The following IGF2BP1 variants were observed in gnomAD, a reference collection of about 807,000 sequenced individuals.
The protein encoded by IGF2BP1 is insulin like growth factor 2 mRNA binding protein 1.
IGF2BP1 carries 11 observed loss-of-function variants against 74.9 expected under a neutral mutation model. That is an observed-to-expected ratio of 0.15 (90% CI 0.09 to 0.24). The LOEUF is 0.24. IGF2BP1 is among the 10% of genes least tolerant of loss of function. The probability of loss-of-function intolerance (pLI) is 1.00; values close to 1 mark genes in which losing one functional copy is unlikely to be tolerated. For synonymous variants in IGF2BP1, 287 were observed against 281.8 expected, an observed-to-expected ratio of 1.02 and a Z score of -0.18; for missense variants, 440 against 757.4, an observed-to-expected ratio of 0.58 and a Z score of 4.92.
Position 49,053,845 on chromosome 17 carries a change from A to T in IGF2BP1, c.*4401A>T, listed in dbSNP as rs988349392. Reference sequence around the variant, plus strand: ...CTCCTTTCTTTCCCCTGAAGTGTTTATGGGGAGATCCTAGTGGCTTTGCCA... The same window carrying T: ...CTCCTTTCTTTCCCCTGAAGTGTTTTTGGGGAGATCCTAGTGGCTTTGCCA... On this transcript the variant is annotated 3_prime_UTR_variant, in exon 15 of 15. Transcript: ENST00000290341. The T allele has an allele frequency of 1.3e-5, 2 of 152,548 alleles. No homozygotes were observed. Among genetic ancestry groups the T allele is most frequent in the African/African-American group, 4.8e-5 (2 of 41,428 alleles). The allele number at this position is 152,548 out of a possible 1,614,324, so 9.4% of individuals were successfully genotyped here. A position where few individuals can be genotyped will look rare whatever the true frequency, so the allele number is the denominator to read the frequency against.
At position 49,026,611 on chromosome 17, in the gene IGF2BP1, C is replaced by G. The variant is rs2041857062; in HGVS notation, c.337+94C>G. 1.1e-5 allele frequency: 11 copies of G among 1,029,148 alleles called. No individual in the cohort carries two copies. The Admixed American group carries it at 1.9e-4, about 18-fold the overall frequency. The allele number at this position is 1,029,148 out of a possible 1,614,324, so 63.8% of individuals were successfully genotyped here. ...CTTCACTTTGTTTCTTTCTTTTTCT[C>G]CCTTCCTTCCTTCCTTCCTTCCTGC... On this transcript the variant is annotated intron_variant, in intron 4 of 14. Coordinates refer to ENST00000290341, the MANE Select transcript of IGF2BP1 (RefSeq NM_006546.4).
At position 49,040,032 on chromosome 17, in the gene IGF2BP1, C is replaced by T. The variant is rs2042033127; in HGVS notation, c.759C>T (p.Cys253=). ...AISVHSTPEG[C]SSACKMILEI... ...GTGTGCACTCCACCCCTGAGGGCTG[C>T]TCCTCCGCTTGTAAGATGATCTTGG... The change falls in exon 7 of 15, where the codon TGC becomes TGT. Residue 253 remains cysteine, a synonymous_variant. Coordinates refer to ENST00000290341, the MANE Select transcript of IGF2BP1 (RefSeq NM_006546.4). The T allele has an allele frequency of 1.2e-6, 2 of 1,613,848 alleles. No individual in the cohort carries two copies. The highest frequency in any genetic ancestry group is 3.3e-5 in the Admixed American group (2 of 60,000).
chr17:49,013,185 T>C (rs987955358), intron 2 of IGF2BP1, among the ~76,000 whole-genome samples: 10 of 151,984 alleles, frequency 6.6e-5, no homozygotes, highest in East Asian at 1.9e-4. Flanking sequence ...AGATCATTAA[T>C]TGATGACACC....
Position 49,043,410 on chromosome 17 carries a change from C to T in IGF2BP1, c.1078-18C>T, listed in dbSNP as rs1195313289. 1.9e-6 allele frequency: 3 copies of T among 1,613,306 alleles called. No homozygotes were observed. Among genetic ancestry groups the T allele is most frequent in the African/African-American group, 1.3e-5 (1 of 75,020 alleles). On this transcript the variant is annotated intron_variant, in intron 9 of 14. Coordinates refer to ENST00000290341, the MANE Select transcript of IGF2BP1 (RefSeq NM_006546.4). ...TGTCAGGGTGTGCTGACTCTTCCTC[C>T]TCATCTTTCTTCCCCAGCTGCAGTC... is the stretch of plus-strand genomic sequence containing the variant.
chr17:48,999,961 TG>T (rs2041466872), intron 2 of IGF2BP1, among the ~76,000 whole-genome samples: 2 of 149,986 alleles, frequency 1.3e-5, no homozygotes, highest in African/African-American at 2.5e-5. Context: ...TGTGTGTGTG[TG>T]TTCGTGTGTG....
In IGF2BP1 at chr17:49,049,437, G is replaced by A. The variant is rs1195152593; in HGVS notation, c.1727G>A (p.Arg576Lys). 1 of 1,613,954 alleles carries A rather than the reference G, an allele frequency of 6.2e-7. No individual in the cohort carries two copies. Among genetic ancestry groups the A allele is most frequent in the Admixed American group, 1.7e-5 (1 of 60,016 alleles). ...KGQSNQAQAR[R>K]K ...CAGAGTAACCAGGCCCAGGCACGGA[G>A]GAAGTGACCAGCCCCTCCCTGTCCC... The change falls in exon 15 of 15, where the codon AGG (arginine) becomes AAG (lysine). Residue 576 changes from arginine (R) to lysine (K), a missense_variant. Physicochemically the swap from Arg to Lys is conservative, Grantham distance 26. Around this residue, in one of 5 missense-constraint regions of IGF2BP1, gnomAD observed 117 missense variants for 237.2 expected, o/e 0.49. Coordinates refer to ENST00000290341, the MANE Select transcript of IGF2BP1 (RefSeq NM_006546.4).
Position 49,055,483 on chromosome 17 carries a change from G to T in IGF2BP1, c.*6039G>T. ...CCCCCAGGAATAAAGGCTTTGTTTT[G>T]GGGATGCTTAAATCTTGACTGGCAC... is the stretch of plus-strand genomic sequence containing the variant. On this transcript the variant is annotated 3_prime_UTR_variant, in exon 15 of 15. Transcript: ENST00000290341. The T allele has an allele frequency of 7.8e-6, 3 of 385,286 alleles. No individual in the cohort carries two copies. The highest frequency in any genetic ancestry group is 6.5e-4 in the Middle Eastern group (1 of 1,540). 23.9% of individuals were successfully genotyped at this position (385,286 alleles called of 1,614,324 possible). A position where few individuals can be genotyped will look rare whatever the true frequency, so the allele number is the denominator to read the frequency against.
intron 9 of IGF2BP1, among the ~76,000 whole-genome samples, chr17:49,042,624 T>C (rs1353511213): frequency 6.6e-6 from 1 of 152,160 alleles, no homozygotes; most frequent in East Asian, 1.9e-4. Flanking sequence ...ATGTGTACAA[T>C]TTGTGTTTGT....
At chr17:49,045,755 C>A in intron 12 of IGF2BP1, 135 bp from the exon 13 acceptor site, 2 of 847,086 alleles carry the variant, frequency 2.4e-6, no homozygotes, top group Non-Finnish European at 3.6e-6. Context: ...CCTTCACCTG[C>A]CTTAGATGGT....
At chr17:49,020,241 A>C (rs1440835448) in intron 2 of IGF2BP1, among the ~76,000 whole-genome samples, 1 of 151,796 alleles carries the variant, frequency 6.6e-6, no homozygotes, top group East Asian at 1.9e-4. Flanking sequence ...ACAAGGTTTC[A>C]CCATGTTGGC....
At chr17:49,049,163 ACTCAGG>A (rs2042138620) in intron 14 of IGF2BP1, among the ~76,000 whole-genome samples, 183 bp from the exon 15 acceptor site, 2 of 152,128 alleles carry the variant, frequency 1.3e-5, no homozygotes, top group Non-Finnish European at 2.9e-5. Flanking sequence ...TCCAGGGGAT[ACTCAGG>A]CTCCACTGGA....
At chr17:49,043,340 T>A in intron 9 of IGF2BP1, 88 bp from the exon 10 acceptor site, 2 of 1,505,322 alleles carry the variant, frequency 1.3e-6, no homozygotes, top group Non-Finnish European at 1.8e-6. Flanking sequence ...CACTTGCCTC[T>A]GGGGCTACTC....
chr17:49,000,494 G>A, intron 2 of IGF2BP1, among the ~76,000 whole-genome samples: 1 of 152,154 alleles, frequency 6.6e-6, no homozygotes, highest in East Asian at 1.9e-4. Context: ...ATTAGAGTTA[G>A]GAGTAAAGAG....
rs2042170721 is a variant in IGF2BP1, at chr17:49,051,851, T to C, written c.*2407T>C. The C allele has an allele frequency of 6.6e-6, 1 of 152,092 alleles. No individual in the cohort carries two copies. The highest frequency in any genetic ancestry group is 2.1e-4 in the South Asian group (1 of 4,822). The allele number at this position is 152,092 out of a possible 1,614,324, so 9.4% of individuals were successfully genotyped here. The stretch of plus-strand genomic sequence containing the variant: ...GCTTTTCATTTTTTTTTTTTGTTAT[T>C]GTTTCATTTCAGTTCCGTCTTGCTA... On this transcript the variant is annotated 3_prime_UTR_variant, in exon 15 of 15. Transcript: ENST00000290341.
chr17:49,030,928 C>T (rs1016894193), intron 4 of IGF2BP1, among the ~76,000 whole-genome samples: 20 of 152,106 alleles, frequency 1.3e-4, no homozygotes, highest in Admixed American at 1.3e-3. Context: ...CCGCTCCTGG[C>T]CAACTAGTTT....
intron 13 of IGF2BP1, 34 bp downstream of exon 13, chr17:49,046,055 C>A: frequency 6.2e-7 from 1 of 1,609,354 alleles, no homozygotes. Flanking sequence ...AAGCCCTGGG[C>A]CTTGGTCTCC....
intron 11 of IGF2BP1, 135 bp from the exon 12 acceptor site, chr17:49,044,856 T>A: frequency 1.4e-6 from 1 of 714,760 alleles, no homozygotes; most frequent in Non-Finnish European, 2.5e-6. Flanking sequence ...GGCTTCAGGG[T>A]CTTTGTTCTT....
intron 2 of IGF2BP1, among the ~76,000 whole-genome samples, chr17:49,001,951 C>CT (rs1018957886): frequency 6.6e-6 from 1 of 152,014 alleles, no homozygotes; most frequent in Non-Finnish European, 1.5e-5. Flanking sequence ...GTGCCTTTTT[C>CT]TAGAGGAATG....
chr17:49,029,239 C>T (rs535389609), intron 4 of IGF2BP1, among the ~76,000 whole-genome samples: 1 of 152,176 alleles, frequency 6.6e-6, no homozygotes, highest in East Asian at 1.9e-4. Flanking sequence ...TACTGTATTT[C>T]CAGTCACTGG....
Sources: gnomAD v4.1 joint callset for allele counts (sites outside exome capture counted in the v4.1 genomes callset) on GRCh38, gnomAD v4.1.1 for gene constraint, gnomAD v4.1.1 regional missense constraint, MANE v1.5 for transcripts, NCBI Gene and HGNC (gene_info 2026-07-23, HGNC 2026-07-21) for gene names.